The following DYNC1I1 variants were observed in gnomAD, a reference collection of about 807,000 sequenced individuals.
The protein encoded by DYNC1I1 is cytoplasmic dynein 1 intermediate chain 1.
A neutral mutation model predicts 86.6 loss-of-function variants in DYNC1I1; 43 were observed. That is an observed-to-expected ratio of 0.50 (90% CI 0.39 to 0.64). The LOEUF is 0.64. DYNC1I1 is among the 30% of genes least tolerant of loss of function. The probability of loss-of-function intolerance (pLI) is 0.00; values close to 1 mark genes in which losing one functional copy is unlikely to be tolerated. For synonymous variants in DYNC1I1, 262 were observed against 283.7 expected (o/e 0.92, Z 0.77); for missense variants, 604 against 788.8 (o/e 0.77, Z 2.81).
At chr7:96,074,689 G>GT (rs1371732025) in intron 14 of DYNC1I1, among the ~76,000 whole-genome samples, 1 of 150,854 alleles carries the variant, frequency 6.6e-6, no homozygotes, top group African/African-American at 2.4e-5. Flanking sequence ...CAGTTTTATT[G>GT]TTTTCACACT....
intron 6 of DYNC1I1, among the ~76,000 whole-genome samples, chr7:95,903,645 A>G (rs564646057): frequency 1.4e-3 from 212 of 152,338 alleles, no homozygotes; most frequent in Non-Finnish European, 2.6e-3. Flanking sequence ...ACCACAATTC[A>G]TAGTTTATTG....
rs3138829 is a variant in DYNC1I1, at chr7:95,986,023, C to CGTGTGTGTGTGTGTGTGT, written c.744-1010_744-993dup. ...GTATTATCCTAGGCTCCTGGCAGGA[C>CGTGTGTGTGTGTGTGTGT]GTGTGTGTGTGTGTGTGTGTGTGTG... is the stretch of plus-strand genomic sequence containing the variant. On this transcript the variant is annotated intron_variant, in intron 8 of 16. Coordinates refer to ENST00000447467, the MANE Select transcript of DYNC1I1 (RefSeq NM_001135556.2). Among the ~76,000 whole-genome samples, 757 of 132,692 alleles carry CGTGTGTGTGTGTGTGTGT rather than the reference C, an allele frequency of 5.7e-3. 7 individuals carry two copies. The highest frequency in any genetic ancestry group is 0.022 in the East Asian group (88 of 3,998). 87.1% of individuals were successfully genotyped at this position (132,692 alleles called of 152,430 possible). A position where few individuals can be genotyped will look rare whatever the true frequency, so the allele number is the denominator to read the frequency against.
At chr7:95,853,756 G>A (rs757241269) in intron 5 of DYNC1I1, among the ~76,000 whole-genome samples, 9 of 151,952 alleles carry the variant, frequency 5.9e-5, no homozygotes, top group Non-Finnish European at 8.8e-5. Context: ...TGTCCCCTAC[G>A]ATTATTTTAT....
intron 6 of DYNC1I1, among the ~76,000 whole-genome samples, chr7:95,936,660 A>G (rs1241030817): frequency 6.6e-6 from 1 of 152,048 alleles, no homozygotes; most frequent in African/African-American, 2.4e-5. Flanking sequence ...CAAGAACAAG[A>G]TGTTGTGGAA....
intron 6 of DYNC1I1, among the ~76,000 whole-genome samples, chr7:95,875,932 C>T (rs1790298115): frequency 6.6e-6 from 1 of 151,336 alleles, no homozygotes; most frequent in African/African-American, 2.4e-5. Context: ...ACCTTCAGCC[C>T]ATGCCATGCC....
chr7:96,047,695 G>T (rs1355503613), intron 14 of DYNC1I1, among the ~76,000 whole-genome samples: 3 of 152,162 alleles, frequency 2.0e-5, no homozygotes, highest in African/African-American at 4.8e-5. Flanking sequence ...GAGGCGACTA[G>T]CAGGGAAAGC....
intron 5 of DYNC1I1, among the ~76,000 whole-genome samples, chr7:95,836,886 T>C (rs36170949): frequency 0.093 from 14,047 of 151,048 alleles, 696 homozygotes; most frequent in South Asian, 0.14. Flanking sequence ...TTTTTCAAAG[T>C]TTTCAACTTC....
At chr7:95,949,312 A>G (rs1269965099) in intron 6 of DYNC1I1, among the ~76,000 whole-genome samples, 6 of 152,202 alleles carry the variant, frequency 3.9e-5, no homozygotes, top group Non-Finnish European at 8.8e-5. Context: ...TTTGGAATTT[A>G]CACTTTCCCC....
chr7:95,869,982 C>G lies in DYNC1I1; in HGVS notation c.474C>G (p.Ala158=). The change falls in exon 6 of 17, where the codon GCC becomes GCG. Residue 158 remains alanine, a synonymous_variant. Transcript: ENST00000447467. The part of the protein sequence containing the change: ...SYSKETQTPL[A]THQSEEDEED... ...CAAAGGAGACCCAGACTCCTCTTGC[C>G]ACGCATCAGTCTGAAGGTAAACTAT... 1 of 1,613,624 alleles carries G rather than the reference C, an allele frequency of 6.2e-7. No homozygotes were observed. The highest frequency in any genetic ancestry group is 8.5e-7 in the Non-Finnish European group (1 of 1,179,818).
intron 15 of DYNC1I1, among the ~76,000 whole-genome samples, chr7:96,079,029 G>GT (rs140145092): frequency 0.013 from 1,903 of 149,924 alleles, 47 homozygotes; most frequent in African/African-American, 0.044. Flanking sequence ...GTTTTTTTTT[G>GT]TTTTTTTGTT....
At chr7:96,040,469 A>G (rs537236297) in intron 14 of DYNC1I1, among the ~76,000 whole-genome samples, 139 of 152,238 alleles carry the variant, frequency 9.1e-4, no homozygotes, top group African/African-American at 3.2e-3. Flanking sequence ...GGAAGGTAGG[A>G]GAGGGAGTCA....
At chr7:95,814,227 A>G (rs1169945975) in intron 4 of DYNC1I1, among the ~76,000 whole-genome samples, 1 of 152,200 alleles carries the variant, frequency 6.6e-6, no homozygotes, top group Non-Finnish European at 1.5e-5. Flanking sequence ...TTGAGAAGCT[A>G]CAAATTCAGA....
intron 16 of DYNC1I1, among the ~76,000 whole-genome samples, chr7:96,091,231 C>T (rs1406276755): frequency 3.9e-5 from 6 of 152,058 alleles, no homozygotes; most frequent in Admixed American, 3.9e-4. Context: ...TCCACATTTT[C>T]TGTAAATGCA....
intron 6 of DYNC1I1, among the ~76,000 whole-genome samples, chr7:95,876,401 A>G (rs1464490271): frequency 6.6e-6 from 1 of 152,188 alleles, no homozygotes; most frequent in Non-Finnish European, 1.5e-5. Context: ...AAAAACTGGA[A>G]TATCCTTTCT....
At chr7:95,990,682 A>T (rs1464209549) in intron 9 of DYNC1I1, among the ~76,000 whole-genome samples, 1 of 152,170 alleles carries the variant, frequency 6.6e-6, no homozygotes, top group African/African-American at 2.4e-5. Flanking sequence ...AAATGATAAT[A>T]ATACCTAGCT....
chr7:96,046,203 A>G (rs966379327), intron 14 of DYNC1I1, among the ~76,000 whole-genome samples: 12 of 152,118 alleles, frequency 7.9e-5, no homozygotes, highest in Non-Finnish European at 1.6e-4. Context: ...GTTGGGATCC[A>G]TTTAGGGAAT....
chr7:95,964,301 T>G (rs1369688632), intron 6 of DYNC1I1, among the ~76,000 whole-genome samples: 1 of 152,132 alleles, frequency 6.6e-6, no homozygotes, highest in African/African-American at 2.4e-5. Context: ...GATAGATAAT[T>G]CCCACTTCAA....
intron 5 of DYNC1I1, among the ~76,000 whole-genome samples, chr7:95,862,123 T>C (rs111489945): frequency 1.2e-3 from 179 of 152,312 alleles, no homozygotes; most frequent in Non-Finnish European, 2.2e-3. Context: ...TTTAAGTCTT[T>C]GTGTCCTTGG....
chr7:95,919,005 G>A (rs1791542725), intron 6 of DYNC1I1, among the ~76,000 whole-genome samples: 1 of 152,156 alleles, frequency 6.6e-6, no homozygotes, highest in Non-Finnish European at 1.5e-5. Flanking sequence ...GACAAGATGG[G>A]AGGGACACTG....
Sources: gnomAD v4.1 joint callset for allele counts (sites outside exome capture counted in the v4.1 genomes callset) on GRCh38, gnomAD v4.1.1 for gene constraint, MANE v1.5 for transcripts, NCBI Gene and HGNC (gene_info 2026-07-23, HGNC 2026-07-21) for gene names.